CNTNAP5: variants seen among roughly 807,000 people sequenced by gnomAD.
CNTNAP5 encodes the protein contactin associated protein family member 5.
A neutral mutation model predicts 150.2 loss-of-function variants in CNTNAP5; 72 were observed. That is an observed-to-expected ratio of 0.48 (90% CI 0.40 to 0.58). The LOEUF (loss-of-function observed/expected upper bound fraction) is 0.58. Among genes scored for constraint, CNTNAP5 ranks in the 20% least tolerant of loss-of-function variants. The pLI, the probability that CNTNAP5 is intolerant of heterozygous loss-of-function variation, is 0.00. For synonymous variants in CNTNAP5, 672 were observed against 619.8 expected (o/e 1.08, Z -1.25); for missense variants, 1,636 against 1,626.2 (o/e 1.01, Z -0.10).
intron 9 of CNTNAP5, among the ~76,000 whole-genome samples, chr2:124,524,716 C>T (rs569776976): frequency 6.6e-6 from 1 of 152,284 alleles, no homozygotes; most frequent in Non-Finnish European, 1.5e-5. Context: ...TTATATAACA[C>T]ATCCAAAGGA....
At chr2:124,133,188 C>G (rs749515758) in intron 1 of CNTNAP5, among the ~76,000 whole-genome samples, 5 of 152,124 alleles carry the variant, frequency 3.3e-5, no homozygotes, top group Non-Finnish European at 7.4e-5. Context: ...ACAATTCTAA[C>G]TCAACCTGGT....
chr2:124,688,981 C>T (rs564991143), intron 13 of CNTNAP5, among the ~76,000 whole-genome samples: 1 of 152,026 alleles, frequency 6.6e-6, no homozygotes, highest in African/African-American at 2.4e-5. Flanking sequence ...GATAATTATA[C>T]AAGGATAATG....
intron 1 of CNTNAP5, among the ~76,000 whole-genome samples, chr2:124,123,614 G>T (rs1275357722): frequency 2.0e-5 from 3 of 152,136 alleles, no homozygotes. Context: ...CCTCAAGTGG[G>T]TCCCTGACCC....
At chr2:124,611,066 T>G (rs1298475457) in intron 12 of CNTNAP5, among the ~76,000 whole-genome samples, 4 of 116,706 alleles carry the variant, frequency 3.4e-5, no homozygotes, top group Non-Finnish European at 7.4e-5. Context: ...TCTTCAGAGA[T>G]GCCAGCTGCA....
chr2:124,794,765 G>A (rs1681809717), intron 18 of CNTNAP5, among the ~76,000 whole-genome samples: 1 of 151,884 alleles, frequency 6.6e-6, no homozygotes, highest in African/African-American at 2.4e-5. Context: ...TATTTCATCG[G>A]TACACTCACC....
chr2:124,271,701 C>CATCTATCTATCTATCTATCTATCT (rs3063496), intron 3 of CNTNAP5, among the ~76,000 whole-genome samples: 1 of 114,758 alleles, frequency 8.7e-6, no homozygotes, highest in African/African-American at 3.4e-5. Flanking sequence ...ATCTATCTAT[C>CATCTATCTATCTATCTATCTATCT]ATCTATCTAT....
intron 8 of CNTNAP5, among the ~76,000 whole-genome samples, chr2:124,504,863 C>G (rs998630886): frequency 1.6e-4 from 25 of 151,928 alleles, no homozygotes; most frequent in African/African-American, 6.0e-4. Context: ...CACACCACCA[C>G]ATCCAGCTAA....
chr2:124,228,873 A>G (rs554702317), intron 2 of CNTNAP5, among the ~76,000 whole-genome samples: 20 of 152,280 alleles, frequency 1.3e-4, no homozygotes, highest in African/African-American at 4.8e-4. Flanking sequence ...CCTTCAGAGC[A>G]TCAAATCCCC....
At chr2:124,546,140 A>T (rs764719086) in intron 10 of CNTNAP5, among the ~76,000 whole-genome samples, 12 of 152,098 alleles carry the variant, frequency 7.9e-5, no homozygotes, top group Non-Finnish European at 1.6e-4. Context: ...GACCCTGTGG[A>T]TCAGTCCTTT....
intron 3 of CNTNAP5, among the ~76,000 whole-genome samples, chr2:124,394,537 G>A (rs769298665): frequency 6.6e-6 from 1 of 152,054 alleles, no homozygotes; most frequent in Non-Finnish European, 1.5e-5. Context: ...AGACTTCCAT[G>A]GACAATTCAA....
intron 1 of CNTNAP5, among the ~76,000 whole-genome samples, chr2:124,043,762 A>T (rs1425237899): frequency 6.6e-6 from 1 of 152,158 alleles, no homozygotes; most frequent in African/African-American, 2.4e-5. Flanking sequence ...GTCTAAAATG[A>T]AAGTACCAAA....
intron 13 of CNTNAP5, among the ~76,000 whole-genome samples, chr2:124,687,840 T>C (rs1193266662): frequency 1.3e-5 from 2 of 152,186 alleles, no homozygotes; most frequent in Non-Finnish European, 2.9e-5. Context: ...AGGTATGTTA[T>C]GTGTTTTTAA....
At chr2:124,156,822 G>A (rs1482681748) in intron 1 of CNTNAP5, among the ~76,000 whole-genome samples, 2 of 152,132 alleles carry the variant, frequency 1.3e-5, no homozygotes, top group Admixed American at 1.3e-4. Context: ...TCACAGAGCT[G>A]GTAGTTCGGG....
chr2:124,854,746 C>T (rs1424944860), intron 19 of CNTNAP5, among the ~76,000 whole-genome samples: 1 of 152,144 alleles, frequency 6.6e-6, no homozygotes, highest in Non-Finnish European at 1.5e-5. Context: ...AGCAACAATT[C>T]CTCCTAGGGG....
chr2:124,346,554 T>C (rs1018660691), intron 3 of CNTNAP5, among the ~76,000 whole-genome samples: 1 of 152,154 alleles, frequency 6.6e-6, no homozygotes, highest in Non-Finnish European at 1.5e-5. Flanking sequence ...ATATATAAAT[T>C]CTATTGATTG....
intron 1 of CNTNAP5, among the ~76,000 whole-genome samples, chr2:124,034,301 G>T (rs1008980356): frequency 6.6e-6 from 1 of 152,164 alleles, no homozygotes; most frequent in Non-Finnish European, 1.5e-5. Flanking sequence ...ATGAAACTCA[G>T]CATGGATTTT....
At chr2:124,707,110 GAGGAAGAAGAAGA>G (rs1457230608) in intron 13 of CNTNAP5, among the ~76,000 whole-genome samples, 15 of 123,728 alleles carry the variant, frequency 1.2e-4, no homozygotes, top group African/African-American at 4.3e-4. Flanking sequence ...GGAAGAAGAA[GAGGAAGAAGAAGA>G]AAGAAGAAGA....
At chr2:124,592,077 C>T (rs750837770) in intron 11 of CNTNAP5, among the ~76,000 whole-genome samples, 7 of 152,086 alleles carry the variant, frequency 4.6e-5, no homozygotes, top group Non-Finnish European at 8.8e-5. Context: ...CAAAGCTGAA[C>T]TATATTCCAT....
At chr2:124,635,007 T>C (rs1234059711) in intron 12 of CNTNAP5, among the ~76,000 whole-genome samples, 1 of 152,176 alleles carries the variant, frequency 6.6e-6, no homozygotes, top group African/African-American at 2.4e-5. Flanking sequence ...TTTCCAGGCA[T>C]CCTTAGAGAA....
Sources: gnomAD v4.1 joint callset for allele counts (sites outside exome capture counted in the v4.1 genomes callset) on GRCh38, gnomAD v4.1.1 for gene constraint, MANE v1.5 for transcripts, NCBI Gene and HGNC (gene_info 2026-07-23, HGNC 2026-07-21) for gene names.